Variants in SHISA9 observed in about 807,000 individuals in gnomAD.
SHISA9 encodes shisa family member 9.
In SHISA9, 13 loss-of-function variants were observed where a neutral mutation model predicts 38.0. The ratio of observed to expected loss-of-function variants is 0.34; its 90% CI spans 0.22 to 0.54. The LOEUF (loss-of-function observed/expected upper bound fraction) is 0.54. SHISA9 is among the 20% of genes least tolerant of loss of function. The probability of loss-of-function intolerance (pLI) is 0.91; values close to 1 mark genes in which losing one functional copy is unlikely to be tolerated. For synonymous variants in SHISA9, 275 were observed against 242.0 expected, an observed-to-expected ratio of 1.14 and a Z score of -1.27; for missense variants, 538 against 575.8, an observed-to-expected ratio of 0.93 and a Z score of 0.67.
intron 2 of SHISA9, among the ~76,000 whole-genome samples, chr16:12,949,751 T>G (rs1422944337): frequency 1.3e-5 from 2 of 152,246 alleles, no homozygotes; most frequent in East Asian, 3.9e-4. Context: ...GCATAATAAT[T>G]GTACATATTT....
the SHISA9 span, among the ~76,000 whole-genome samples, chr16:13,291,633 C>G: frequency 6.6e-6 from 1 of 152,060 alleles, no homozygotes; most frequent in Non-Finnish European, 1.5e-5. Context: ...CGTGTATGTT[C>G]TAGTTCATGT....
Position 13,234,018 on chromosome 16 carries a change from A to G in SHISA9, c.896-1012A>G, listed in dbSNP as rs554691361. On this transcript the variant is annotated intron_variant, in intron 4 of 4. Transcript: ENST00000558583. ...ATCCTGTCTGAAAAAATAATAATAA[A>G]TAAATAAATAAGAAAACATTTTTAG... Among the ~76,000 whole-genome samples the G allele has an allele frequency of 2.0e-5, 3 of 152,312 alleles. No homozygotes were observed. In the South Asian group the frequency reaches 6.2e-4, roughly 32 times the overall value.
the SHISA9 span, among the ~76,000 whole-genome samples, chr16:13,329,681 A>G: frequency 0.021 from 3,157 of 152,306 alleles, 49 homozygotes; most frequent in Middle Eastern, 0.054. Context: ...TAACATGCCC[A>G]GGACAACCTG....
chr16:13,167,078 T>C (rs1032165477), intron 2 of SHISA9, among the ~76,000 whole-genome samples: 8 of 148,242 alleles, frequency 5.4e-5, no homozygotes, highest in African/African-American at 1.5e-4. Flanking sequence ...TTTTCTTTTT[T>C]TTTTTTTTTT....
intron 2 of SHISA9, among the ~76,000 whole-genome samples, chr16:13,073,056 G>T (rs1295339432): frequency 6.6e-6 from 1 of 152,142 alleles, no homozygotes; most frequent in Non-Finnish European, 1.5e-5. Flanking sequence ...CTTTCAGAGT[G>T]CTGGGATTAC....
intron 1 of SHISA9, chr16:12,908,719 C>T (rs1294459055): frequency 6.8e-7 from 1 of 1,463,636 alleles, no homozygotes; most frequent in Non-Finnish European, 9.0e-7. Context: ...CAAGAAGCTA[C>T]CGTAAGATGA....
chr16:13,458,028 C>T, the SHISA9 span, among the ~76,000 whole-genome samples: 1 of 151,494 alleles, frequency 6.6e-6, no homozygotes, highest in Non-Finnish European at 1.5e-5. Flanking sequence ...CAATGTCTGA[C>T]ATGGACTAGA....
At chr16:13,320,292 C>CA in the SHISA9 span, among the ~76,000 whole-genome samples, 4,588 of 38,808 alleles carry the variant, frequency 0.12, 1,061 homozygotes, top group Non-Finnish European at 0.14. Context: ...GACTCTGTCT[C>CA]AAAAAAAAAA....
At chr16:13,460,767 T>C in the SHISA9 span, among the ~76,000 whole-genome samples, 1 of 152,232 alleles carries the variant, frequency 6.6e-6, no homozygotes, top group African/African-American at 2.4e-5. Context: ...TCCTTCTCTC[T>C]GGTGTGACTT....
At chr16:13,486,648 G>A in the SHISA9 span, among the ~76,000 whole-genome samples, 1 of 152,052 alleles carries the variant, frequency 6.6e-6, no homozygotes, top group African/African-American at 2.4e-5. Flanking sequence ...CTACTCTAGA[G>A]CCTAGCATAG....
chr16:12,982,854 A>T (rs2072258440), intron 2 of SHISA9, among the ~76,000 whole-genome samples: 1 of 152,238 alleles, frequency 6.6e-6, no homozygotes, highest in Non-Finnish European at 1.5e-5. Flanking sequence ...ATAAACGAGG[A>T]CATTATAGGT....
the SHISA9 span, among the ~76,000 whole-genome samples, chr16:13,325,994 C>T: frequency 6.7e-6 from 1 of 150,120 alleles, no homozygotes; most frequent in African/African-American, 2.5e-5. Context: ...GTGCAGCAAA[C>T]CACCATGGAA....
At chr16:13,179,604 A>C (rs1367981053) in intron 2 of SHISA9, among the ~76,000 whole-genome samples, 1 of 152,218 alleles carries the variant, frequency 6.6e-6, no homozygotes, top group East Asian at 1.9e-4. Flanking sequence ...TCCTCTGTTA[A>C]TACTCCTGCC....
the SHISA9 span, among the ~76,000 whole-genome samples, chr16:13,360,984 T>A: frequency 6.6e-6 from 1 of 152,206 alleles, no homozygotes; most frequent in South Asian, 2.1e-4. Flanking sequence ...TCATTCCAAC[T>A]TTTGGAGATA....
chr16:12,969,533 C>G (rs1184896957), intron 2 of SHISA9, among the ~76,000 whole-genome samples: 1 of 151,984 alleles, frequency 6.6e-6, no homozygotes, highest in Non-Finnish European at 1.5e-5. Context: ...CCCCTGAGGC[C>G]AGGAGTTCGA....
intron 2 of SHISA9, among the ~76,000 whole-genome samples, chr16:13,125,000 C>CA (rs747100469): frequency 7.9e-5 from 12 of 152,056 alleles, no homozygotes; most frequent in Non-Finnish European, 1.5e-4. Flanking sequence ...TCTAAGAACT[C>CA]AGACTATGAA....
chr16:13,547,814 G>A, the SHISA9 span, among the ~76,000 whole-genome samples: 1 of 151,826 alleles, frequency 6.6e-6, no homozygotes, highest in African/African-American at 2.4e-5. Context: ...AACAGATTTA[G>A]TGAATATTTA....
intron 2 of SHISA9, among the ~76,000 whole-genome samples, chr16:13,184,614 G>T (rs922196928): frequency 6.6e-6 from 1 of 152,142 alleles, no homozygotes; most frequent in African/African-American, 2.4e-5. Flanking sequence ...CCGTTGTTCT[G>T]CACTTTTATG....
chr16:13,098,211 G>A (rs1001138189), intron 2 of SHISA9, among the ~76,000 whole-genome samples: 1 of 152,128 alleles, frequency 6.6e-6, no homozygotes, highest in Non-Finnish European at 1.5e-5. Flanking sequence ...GACACTTAGG[G>A]CCTCAGGCAA....
Sources: allele counts gnomAD v4.1 joint callset (sites outside exome capture counted in the v4.1 genomes callset), GRCh38; gene constraint gnomAD v4.1.1; transcripts MANE v1.5; gene names NCBI Gene and HGNC (gene_info 2026-07-23, HGNC 2026-07-21).